The following CCDC171 variants were observed in gnomAD, a reference collection of about 807,000 sequenced individuals.
CCDC171 encodes coiled-coil domain-containing protein 171.
A neutral mutation model predicts 168.2 loss-of-function variants in CCDC171; 177 were observed. The observed-to-expected ratio is 1.05, with a 90% CI of 0.93 to 1.19. The LOEUF (loss-of-function observed/expected upper bound fraction) is 1.19. CCDC171 is among the 50% of genes most tolerant of loss of function. CCDC171 has a pLI of 0.00. For missense variants in CCDC171, 1,991 were observed against 1,539.0 expected, an observed-to-expected ratio of 1.29 and a Z score of -4.91; for synonymous variants, 687 against 540.8, an observed-to-expected ratio of 1.27 and a Z score of -3.75.
rs1831544814 is a variant in CCDC171, at chr9:15,973,933, A to G, written c.*2097A>G. The G allele has an allele frequency of 6.6e-6, 1 of 152,160 alleles. No individual in the cohort carries two copies. The highest frequency in any genetic ancestry group is 1.5e-5 in the Non-Finnish European group (1 of 68,024). The allele number at this position is 152,160 out of a possible 1,614,324, so 9.4% of individuals were successfully genotyped here. On this transcript the variant is annotated 3_prime_UTR_variant, in exon 26 of 26. Transcript: ENST00000380701. ...AGATCCTACTGATTTTAGAGGAACA[A>G]GCAGCTTTGTAAAATGTGCCTTGGA... is the stretch of plus-strand genomic sequence containing the variant.
the CCDC171 span, among the ~76,000 whole-genome samples, chr9:16,070,269 G>C: frequency 2.0e-5 from 3 of 152,206 alleles, no homozygotes; most frequent in African/African-American, 7.2e-5. Context: ...GAATTCTGAA[G>C]TCCAGCCAAG....
the CCDC171 span, among the ~76,000 whole-genome samples, chr9:16,084,148 C>A: frequency 6.6e-6 from 1 of 152,156 alleles, no homozygotes; most frequent in Non-Finnish European, 1.5e-5. Flanking sequence ...AAGCAGAATA[C>A]TTAAAGTAAA....
intron 24 of CCDC171, among the ~76,000 whole-genome samples, chr9:15,902,177 A>G (rs1320546956): frequency 6.6e-6 from 1 of 151,756 alleles, no homozygotes; most frequent in Non-Finnish European, 1.5e-5. Flanking sequence ...ACATTGTAAA[A>G]TAGTTGTTTG....
At chr9:16,103,588 C>T in the CCDC171 span, among the ~76,000 whole-genome samples, 4 of 152,304 alleles carry the variant, frequency 2.6e-5, no homozygotes, top group East Asian at 7.7e-4. Flanking sequence ...CCTTGGTAGC[C>T]GAGGCCAGGC....
intron 6 of CCDC171, among the ~76,000 whole-genome samples, chr9:16,032,979 A>G (rs1428089159): frequency 6.6e-6 from 1 of 152,182 alleles, no homozygotes. Flanking sequence ...TTAGGAGGGC[A>G]ATTCCAGCTG....
At chr9:15,752,208 C>T (rs1239052707) in intron 18 of CCDC171, among the ~76,000 whole-genome samples, 1 of 152,146 alleles carries the variant, frequency 6.6e-6, no homozygotes. Flanking sequence ...AACGAGTTAC[C>T]ATCGCACACC....
intron 3 of CCDC171, among the ~76,000 whole-genome samples, chr9:15,577,258 G>C (rs2040745501): frequency 6.6e-6 from 1 of 152,108 alleles, no homozygotes; most frequent in South Asian, 2.1e-4. Flanking sequence ...TGACTGTCTT[G>C]AACTGAGATT....
chr9:15,675,834 C>G (rs1332153145), intron 9 of CCDC171, among the ~76,000 whole-genome samples: 1 of 152,122 alleles, frequency 6.6e-6, no homozygotes, highest in African/African-American at 2.4e-5. Context: ...CTTGGTGAAT[C>G]TGACAATCGT....
At chr9:15,645,716 G>A (rs934525042) in intron 7 of CCDC171, among the ~76,000 whole-genome samples, 5 of 152,126 alleles carry the variant, frequency 3.3e-5, no homozygotes, top group South Asian at 2.1e-4. Flanking sequence ...AAAAAGAAAC[G>A]AACGGAACGT....
intron 21 of CCDC171, among the ~76,000 whole-genome samples, chr9:15,841,466 C>G (rs1249552932): frequency 3.9e-5 from 6 of 152,002 alleles, no homozygotes; most frequent in African/African-American, 7.2e-5. Context: ...TGAGTTCTAA[C>G]TAAGACTGCC....
At chr9:16,082,208 C>CA in the CCDC171 span, among the ~76,000 whole-genome samples, 10 of 152,270 alleles carry the variant, frequency 6.6e-5, no homozygotes, top group South Asian at 8.3e-4. Context: ...GTCTTCCTCA[C>CA]AAAAAATGTA....
upstream of CCDC171, among the ~76,000 whole-genome samples, chr9:16,040,779 A>G (rs1044066349): frequency 6.6e-6 from 1 of 152,228 alleles, no homozygotes; most frequent in Non-Finnish European, 1.5e-5. Flanking sequence ...TTAGCCAAAC[A>G]TGCTATGTGG....
chr9:15,573,155 A>T (rs2040368820), intron 3 of CCDC171, among the ~76,000 whole-genome samples: 1 of 151,926 alleles, frequency 6.6e-6, no homozygotes. Context: ...GGAGAGTATG[A>T]AAAGATGATT....
rs1270386988 is a variant in CCDC171, at chr9:15,666,473, C to T, written c.1076+150C>T. 1.4e-5 allele frequency: 8 copies of T among 565,390 alleles called. No homozygotes were observed. The South Asian group carries it at 1.7e-4, about 12-fold the overall frequency. 35.0% of individuals were successfully genotyped at this position (565,390 alleles called of 1,614,324 possible). A position where few individuals can be genotyped will look rare whatever the true frequency, so the allele number is the denominator to read the frequency against. ...AGTGACTTCATAAAACATAACTATA[C>T]TTTCCTGTATAGGTAAAAATGGAAA... On this transcript the variant is annotated intron_variant, in intron 9 of 25. Transcript: ENST00000380701.
At chr9:15,952,329 T>C (rs1829288849) in intron 25 of CCDC171, among the ~76,000 whole-genome samples, 1 of 152,188 alleles carries the variant, frequency 6.6e-6, no homozygotes, top group African/African-American at 2.4e-5. Flanking sequence ...TCCAACTTTG[T>C]TCTCCTTTTT....
intron 3 of CCDC171, among the ~76,000 whole-genome samples, chr9:16,009,105 C>A (rs1358058328): frequency 2.0e-5 from 3 of 152,048 alleles, no homozygotes. Flanking sequence ...AGCAAGGATG[C>A]TTTCTCTATT....
intron 7 of CCDC171, among the ~76,000 whole-genome samples, chr9:15,633,079 A>G (rs1446616897): frequency 1.3e-5 from 2 of 152,192 alleles, no homozygotes; most frequent in East Asian, 1.9e-4. Flanking sequence ...CTATAGGAAA[A>G]CCTAGGCATT....
intron 4 of CCDC171, among the ~76,000 whole-genome samples, chr9:15,582,015 CTT>C (rs2041161406): frequency 6.6e-6 from 1 of 152,100 alleles, no homozygotes; most frequent in South Asian, 2.1e-4. Flanking sequence ...TGGGAGAAAA[CTT>C]TTGCAATCTA....
At chr9:15,908,498 C>G (rs1823085908) in intron 24 of CCDC171, among the ~76,000 whole-genome samples, 1 of 148,094 alleles carries the variant, frequency 6.8e-6, no homozygotes, top group Non-Finnish European at 1.5e-5. Flanking sequence ...CACACTGGGG[C>G]CTGTTGTCGG....
Sources: gnomAD v4.1 joint callset for allele counts (sites outside exome capture counted in the v4.1 genomes callset) on GRCh38, gnomAD v4.1.1 for gene constraint, MANE v1.5 for transcripts, NCBI Gene and HGNC (gene_info 2026-07-23, HGNC 2026-07-21) for gene names.